Variants in TLL2 observed in about 807,000 individuals in gnomAD.
TLL2 encodes tolloid like 2.
A neutral mutation model predicts 123.0 loss-of-function variants in TLL2; 106 were observed. That is an observed-to-expected ratio of 0.86 (90% CI 0.74 to 1.01). The LOEUF is 1.01. Among genes scored for constraint, TLL2 ranks in the 50% least tolerant of loss-of-function variants. The pLI, the probability that TLL2 is intolerant of heterozygous loss-of-function variation, is 0.00. For missense variants in TLL2, 1,332 were observed against 1,336.7 expected, an observed-to-expected ratio of 1.00 and a Z score of 0.06; for synonymous variants, 494 against 516.8, an observed-to-expected ratio of 0.96 and a Z score of 0.60.
At chr10:96,442,243 T>C (rs911943678) in intron 3 of TLL2, among the ~76,000 whole-genome samples, 4 of 152,062 alleles carry the variant, frequency 2.6e-5, no homozygotes, top group African/African-American at 9.7e-5. Context: ...AGCCACATAA[T>C]GCCAGGAAAT....
intron 8 of TLL2, among the ~76,000 whole-genome samples, chr10:96,412,328 G>A: frequency 6.6e-6 from 1 of 152,242 alleles, no homozygotes; most frequent in African/African-American, 2.4e-5. Flanking sequence ...ATCAAACTCT[G>A]TGTCTGGTTT....
chr10:96,374,978 T>C (rs766486709), intron 18 of TLL2, among the ~76,000 whole-genome samples: 1 of 36,904 alleles, frequency 2.7e-5, no homozygotes, highest in South Asian at 1.0e-3. Context: ...GGGGGGGGGG[T>C]GTCAATTCAA....
At chr10:96,473,098 C>T (rs1019803639) in intron 2 of TLL2, among the ~76,000 whole-genome samples, 9 of 152,106 alleles carry the variant, frequency 5.9e-5, no homozygotes, top group Non-Finnish European at 1.0e-4. Flanking sequence ...GTAATGTGTG[C>T]CACTCAAAGT....
intron 4 of TLL2, among the ~76,000 whole-genome samples, chr10:96,428,966 G>A (rs111336391): frequency 5.9e-5 from 9 of 152,074 alleles, no homozygotes; most frequent in East Asian, 1.9e-4. Context: ...CACCACGCCC[G>A]GCTAATTTTG....
At chr10:96,394,407 T>C (rs1007379483) in intron 13 of TLL2, among the ~76,000 whole-genome samples, 3 of 152,006 alleles carry the variant, frequency 2.0e-5, no homozygotes, top group Admixed American at 2.0e-4. Flanking sequence ...AAGGAGGACC[T>C]GCCCGTTCAA....
chr10:96,448,238 C>T (rs1846919006), intron 2 of TLL2, among the ~76,000 whole-genome samples: 1 of 152,216 alleles, frequency 6.6e-6, no homozygotes, highest in African/African-American at 2.4e-5. Flanking sequence ...GCCGGGTGTT[C>T]GCTGCCAGCT....
chr10:96,434,465 G>A (rs1846774055), intron 3 of TLL2, among the ~76,000 whole-genome samples: 1 of 152,126 alleles, frequency 6.6e-6, no homozygotes, highest in African/African-American at 2.4e-5. Context: ...TTTTGTGTCT[G>A]GCTTCTTTCA....
intron 2 of TLL2, among the ~76,000 whole-genome samples, chr10:96,446,631 C>G (rs1846899630): frequency 6.6e-6 from 1 of 152,166 alleles, no homozygotes; most frequent in Non-Finnish European, 1.5e-5. Flanking sequence ...CTTTGTTACC[C>G]TGTGCACTCT....
At chr10:96,373,837 C>CCCTTGCCTT (rs748689165) in intron 18 of TLL2, 28 bp from the exon 19 acceptor site, 14 of 1,605,234 alleles carry the variant, frequency 8.7e-6, no homozygotes, top group African/African-American at 1.3e-5. Flanking sequence ...GAAAGTAAGG[C>CCCTTGCCTT]AAGGGCCTGG....
chr10:96,507,955 G>T (rs1847593041), intron 1 of TLL2, among the ~76,000 whole-genome samples: 1 of 152,202 alleles, frequency 6.6e-6, no homozygotes, highest in Admixed American at 6.5e-5. Flanking sequence ...CCATCAGCAA[G>T]GACATCATAA....
intron 3 of TLL2, among the ~76,000 whole-genome samples, chr10:96,444,046 T>C (rs529561734): frequency 5.1e-4 from 77 of 152,024 alleles, no homozygotes; most frequent in African/African-American, 1.5e-3. Flanking sequence ...CTGACAAACA[T>C]AGGAAAAAAT....
intron 7 of TLL2, among the ~76,000 whole-genome samples, chr10:96,415,753 C>CTCTGTCTCTCTCTCTGTCTCTCTCTCTG (rs1554934657): frequency 1.0e-5 from 1 of 97,556 alleles, no homozygotes; most frequent in African/African-American, 5.5e-5. Context: ...CTCTCTCTCT[C>CTCTGTCTCTCTCTCTGTCTCTCTCTCTG]TCTCTCTCTC....
chr10:96,455,044 T>C (rs986749801), intron 2 of TLL2, among the ~76,000 whole-genome samples: 7 of 151,962 alleles, frequency 4.6e-5, no homozygotes, highest in Non-Finnish European at 7.4e-5. Flanking sequence ...TGCTTGCCCA[T>C]AACAATGTGA....
At chr10:96,413,351 C>A in intron 7 of TLL2, 35 bp from the exon 8 acceptor site, 1 of 1,604,398 alleles carries the variant, frequency 6.2e-7, no homozygotes, top group South Asian at 1.1e-5. Flanking sequence ...AAAGAAAAGT[C>A]AAGGCCATCA....
At chr10:96,402,692 G>T (rs570551663) in intron 10 of TLL2, among the ~76,000 whole-genome samples, 1 of 152,128 alleles carries the variant, frequency 6.6e-6, no homozygotes, top group Non-Finnish European at 1.5e-5. Context: ...CACTTTCTTC[G>T]CTTGTCTACC....
intron 10 of TLL2, among the ~76,000 whole-genome samples, chr10:96,402,534 C>T (rs1846406216): frequency 6.6e-6 from 1 of 152,194 alleles, no homozygotes; most frequent in South Asian, 2.1e-4. Flanking sequence ...TAAAGCCAGA[C>T]CCTCCTTCTG....
chr10:96,493,205 CA>C (rs1847433626), intron 1 of TLL2, among the ~76,000 whole-genome samples: 1 of 152,190 alleles, frequency 6.6e-6, no homozygotes, highest in African/African-American at 2.4e-5. Context: ...GAGATTTAGG[CA>C]ACTTCCTCCA....
chr10:96,471,508 C>A (rs74151349), intron 2 of TLL2, among the ~76,000 whole-genome samples: 1 of 151,950 alleles, frequency 6.6e-6, no homozygotes, highest in East Asian at 1.9e-4. Context: ...AGTTGGGGGT[C>A]GCATAGAGAA....
At position 96,496,999 on chromosome 10, in the gene TLL2, G is replaced by A. The variant is rs796271180; in HGVS notation, c.175+16512C>T. 1.4e-4 allele frequency among the ~76,000 whole-genome samples: 21 copies of A among 152,282 alleles called. 1 individual carries two copies. Among genetic ancestry groups the A allele is most frequent in the African/African-American group, 5.1e-4 (21 of 41,534 alleles). ...ATTACATTGTAAGGATACTAAAAAT[G>A]GCCGGGTGCAGTGGCTCATGCCTGT... is the stretch of plus-strand genomic sequence containing the variant. On this transcript the variant is annotated intron_variant, in intron 1 of 20. Coordinates refer to ENST00000357947, the MANE Select transcript of TLL2 (RefSeq NM_012465.4).
Sources: gnomAD v4.1 joint callset for allele counts (sites outside exome capture counted in the v4.1 genomes callset) on GRCh38, gnomAD v4.1.1 for gene constraint, MANE v1.5 for transcripts, NCBI Gene and HGNC (gene_info 2026-07-23, HGNC 2026-07-21) for gene names.